The following UNC80 variants were observed in gnomAD, a reference collection of about 807,000 sequenced individuals.
UNC80 encodes the protein protein unc-80 homolog.
UNC80 carries 164 observed loss-of-function variants against 384.6 expected under a neutral mutation model. The ratio of observed to expected loss-of-function variants is 0.43; its 90% confidence interval spans 0.38 to 0.49. The LOEUF is 0.49. Ranked by LOEUF, UNC80 falls within the 20% of genes least tolerant of loss-of-function variation. The pLI is 0.00. For missense variants in UNC80, 3,330 were observed against 4,143.0 expected (o/e 0.80, Z 5.39); for synonymous variants, 1,486 against 1,527.8 (o/e 0.97, Z 0.64).
chr2:209,945,467 T>G (rs576944903), intron 46 of UNC80, among the ~76,000 whole-genome samples: 2 of 152,302 alleles, frequency 1.3e-5, no homozygotes, highest in East Asian at 3.9e-4. Flanking sequence ...TTCAGAAAGT[T>G]GGGTTATCTT....
At chr2:209,780,962 C>T (rs1315510893) in intron 4 of UNC80, among the ~76,000 whole-genome samples, 3 of 152,196 alleles carry the variant, frequency 2.0e-5, no homozygotes, top group Non-Finnish European at 4.4e-5. Flanking sequence ...ACCATTCAGA[C>T]TAATGTTTCT....
intron 22 of UNC80, among the ~76,000 whole-genome samples, chr2:209,862,232 G>T (rs2083392812): frequency 6.6e-6 from 1 of 152,138 alleles, no homozygotes; most frequent in South Asian, 2.1e-4. Context: ...CTGGTACATT[G>T]TCTCTTTGTT....
At chr2:209,933,219 A>G (rs1334847183) in intron 38 of UNC80, among the ~76,000 whole-genome samples, 1 of 152,208 alleles carries the variant, frequency 6.6e-6, no homozygotes, top group East Asian at 1.9e-4. Context: ...GAGGCATTTT[A>G]GATGTCAACT....
Position 209,772,040 on chromosome 2 carries a change from G to T in UNC80, c.-33G>T, listed in dbSNP as rs1377606612. ...GGCGGCTAGCGAGGAGACAGAGCTGGGTCCTGCAGTAGGACTCCCGGGAGC... is the reference window on the plus strand; with the variant it reads ...GGCGGCTAGCGAGGAGACAGAGCTGTGTCCTGCAGTAGGACTCCCGGGAGC... On this transcript the variant is annotated 5_prime_UTR_variant, in exon 1 of 65. Coordinates refer to ENST00000673920, the MANE Select transcript of UNC80 (RefSeq NM_001371986.1). 1 of 1,489,362 alleles carries T rather than the reference G, an allele frequency of 6.7e-7. No individual in the cohort carries two copies. The highest frequency in any genetic ancestry group is 2.0e-5 in the Admixed American group (1 of 50,854). The allele number at this position is 1,489,362 out of a possible 1,614,324, so 92.3% of individuals were successfully genotyped here.
intron 6 of UNC80, among the ~76,000 whole-genome samples, chr2:209,790,981 T>G (rs1292018762): frequency 6.6e-6 from 1 of 152,206 alleles, no homozygotes; most frequent in Non-Finnish European, 1.5e-5. Context: ...TGATGACATC[T>G]TAGATACAAT....
intron 28 of UNC80, among the ~76,000 whole-genome samples, chr2:209,899,572 A>G (rs2087165156): frequency 6.6e-6 from 1 of 152,184 alleles, no homozygotes; most frequent in Admixed American, 6.5e-5. Flanking sequence ...CAGACAACAA[A>G]GAAGCAGATC....
rs557707307 is a variant in UNC80, at chr2:209,898,472, T to A, written c.4581+2059T>A. The stretch of plus-strand genomic sequence containing the variant: ...TATTCATAATTGATCACAGATTTTT[T>A]AAAAAAAATTATTTTTAATTTTTGG... On this transcript the variant is annotated intron_variant, in intron 28 of 64. Coordinates refer to ENST00000673920, the MANE Select transcript of UNC80 (RefSeq NM_001371986.1). 1.9e-3 allele frequency among the ~76,000 whole-genome samples: 293 copies of A among 152,130 alleles called. 1 individual carries two copies. Among genetic ancestry groups the A allele is most frequent in the East Asian group, 6.7e-3 (35 of 5,190 alleles).
chr2:209,780,303 T>A (rs2077086015), intron 4 of UNC80, among the ~76,000 whole-genome samples: 1 of 148,330 alleles, frequency 6.7e-6, no homozygotes, highest in Non-Finnish European at 1.5e-5. Flanking sequence ...AATAAACAAT[T>A]ATAGTTAGTG....
rs2077423164 is a variant in UNC80 at position 209,786,301 on chromosome 2, A to G, written c.724+112A>G. 7 of 1,347,404 alleles carry G rather than the reference A, an allele frequency of 5.2e-6. No individual in the cohort carries two copies. The Admixed American group carries it at 7.1e-5, about 14-fold the overall frequency. The allele number at this position is 1,347,404 out of a possible 1,614,324, so 83.5% of individuals were successfully genotyped here. ...AAGTCAAAAAGAAGCAAATATCTAC[A>G]TGTAGTTATTTAAGTGTCCTGATAT... On this transcript the variant is annotated intron_variant, in intron 5 of 64. Transcript: ENST00000673920.
chr2:209,997,211 C>T lies in UNC80; in HGVS notation c.*1616C>T, dbSNP rs2093496488. The T allele has an allele frequency of 6.6e-6, 1 of 152,044 alleles. No individual in the cohort carries two copies. The highest frequency in any genetic ancestry group is 2.4e-5 in the African/African-American group (1 of 41,400). 9.4% of individuals were successfully genotyped at this position (152,044 alleles called of 1,614,324 possible). The stretch of plus-strand genomic sequence containing the variant: ...GTTAAAAGAACAAAACTAAAAATTT[C>T]AGATCTAACAATTGAAAGAAAATTG... On this transcript the variant is annotated 3_prime_UTR_variant, in exon 65 of 65. Coordinates refer to ENST00000673920, the MANE Select transcript of UNC80 (RefSeq NM_001371986.1).
intron 38 of UNC80, 129 bp downstream of exon 38, chr2:209,931,183 A>G: frequency 3.3e-6 from 2 of 611,874 alleles, no homozygotes; most frequent in East Asian, 2.9e-5. Context: ...AATTCTGTGT[A>G]GGGAAGCCCC....
At chr2:209,984,762 T>C (rs922372386) in intron 60 of UNC80, 94 bp from the exon 61 acceptor site, 6 of 1,196,834 alleles carry the variant, frequency 5.0e-6, no homozygotes, top group Non-Finnish European at 6.9e-6. Context: ...TATTTTTGGT[T>C]CTTGGAAGCA....
Position 209,972,192 on chromosome 2 carries a change from G to T in UNC80, c.8257-9G>T. On this transcript the variant is annotated splice_polypyrimidine_tract_variant and intron_variant, in intron 54 of 64. Coordinates refer to ENST00000673920, the MANE Select transcript of UNC80 (RefSeq NM_001371986.1). ...TCAATTAATCTTTTCTTCTATTATT[G>T]CTGCACAGGCTTTAAAAGAAGATTT... 4 of 1,549,696 alleles carry T rather than the reference G, an allele frequency of 2.6e-6. No homozygotes were observed. The highest frequency in any genetic ancestry group is 2.6e-6 in the Non-Finnish European group (3 of 1,145,962).
At chr2:209,925,290 T>G (rs1369536688) in intron 35 of UNC80, among the ~76,000 whole-genome samples, 1 of 152,190 alleles carries the variant, frequency 6.6e-6, no homozygotes, top group Admixed American at 6.5e-5. Context: ...GATTTCCACA[T>G]GCATCTACTA....
intron 29 of UNC80, among the ~76,000 whole-genome samples, chr2:209,908,939 A>G (rs1470028379): frequency 2.0e-5 from 3 of 152,222 alleles, no homozygotes; most frequent in Non-Finnish European, 1.5e-5. Flanking sequence ...CAGAGAGCCC[A>G]GTAGGCTGAC....
At chr2:209,943,149 T>A (rs1008485934) in intron 44 of UNC80, among the ~76,000 whole-genome samples, 1 of 152,232 alleles carries the variant, frequency 6.6e-6, no homozygotes, top group African/African-American at 2.4e-5. Flanking sequence ...TTCCTTGAGA[T>A]AAATTCCTAG....
At chr2:209,938,704 CTCTCTCTGTG>C (rs1559362335) in intron 42 of UNC80, among the ~76,000 whole-genome samples, 2 of 144,166 alleles carry the variant, frequency 1.4e-5, no homozygotes, top group African/African-American at 2.7e-5. Flanking sequence ...CTCTCTCTCT[CTCTCTCTGTG>C]TGTGTGTGTG....
chr2:209,955,718 TATATATATATATATATATATACACAC>T lies in UNC80; in HGVS notation c.7457+1450_7457+1475del, dbSNP rs1263974195. ...ATATATATATATATATATATATATA[TATATATATATATATATATATACACAC>T]ACACACACACACACAGAGAGAGACT... On this transcript the variant is annotated intron_variant, in intron 48 of 64. Transcript: ENST00000673920. Among the ~76,000 whole-genome samples, 420 of 83,658 alleles carry T rather than the reference TATATATATATATATATATATACACAC, an allele frequency of 5.0e-3. 13 individuals are homozygous for T. The highest frequency in any genetic ancestry group is 0.025 in the African/African-American group (406 of 16,128). The allele number at this position is 83,658 out of a possible 152,430, so 54.9% of individuals were successfully genotyped here. A position where few individuals can be genotyped will look rare whatever the true frequency, so the allele number is the denominator to read the frequency against.
chr2:209,943,486 C>G lies in UNC80; in HGVS notation c.7022C>G (p.Ala2341Gly), dbSNP rs1319386090. 9.0e-6 allele frequency: 14 copies of G among 1,551,764 alleles called. No individual in the cohort carries two copies. The highest frequency in any genetic ancestry group is 1.1e-5 in the Non-Finnish European group (13 of 1,146,954). The change falls in exon 45 of 65, where the codon GCT becomes GGT. Residue 2341 changes from alanine (A) to glycine (G), a missense_variant. Physicochemically the swap from Ala to Gly is moderately conservative, Grantham distance 60 (BLOSUM62 0). This residue lies in a region of UNC80 where 1,049 missense variants were observed against 1,488.6 expected (regional missense o/e 0.70). Transcript: ENST00000673920. ...HRKPFVLQLF[A>G]SVAPLLEFPD... ...AAGCCCTTTGTGCTCCAGCTGTTTG[C>G]TAGTGTGGCCCCTCTCCTGGAATTT...
Sources: gnomAD v4.1 joint callset for allele counts (sites outside exome capture counted in the v4.1 genomes callset) on GRCh38, gnomAD v4.1.1 for gene constraint, gnomAD v4.1.1 regional missense constraint, MANE v1.5 for transcripts, NCBI Gene and HGNC (gene_info 2026-07-23, HGNC 2026-07-21) for gene names.